LRRC8D: variants seen among roughly 807,000 people sequenced by gnomAD.
LRRC8D encodes the protein leucine rich repeat containing 8 VRAC subunit D.
Under a neutral mutation model 55.8 loss-of-function variants are expected in LRRC8D, and 20 were observed. That is an observed-to-expected ratio of 0.36 (90% CI 0.25 to 0.52). The LOEUF (loss-of-function observed/expected upper bound fraction) is 0.52. Ranked by LOEUF, LRRC8D falls within the 20% of genes least tolerant of loss-of-function variation. The pLI, the probability that LRRC8D is intolerant of heterozygous loss-of-function variation, is 0.93. For missense variants in LRRC8D, 651 were observed against 1,030.8 expected (o/e 0.63, Z 5.05); for synonymous variants, 352 against 377.0 (o/e 0.93, Z 0.77).
chr1:89,843,391 G>A (rs978471538), intron 1 of LRRC8D: 2 of 316,702 alleles, frequency 6.3e-6, no homozygotes, highest in African/African-American at 4.4e-5. Flanking sequence ...GAGCGAGCGG[G>A]CGGGCGGGTG....
intron 2 of LRRC8D, among the ~76,000 whole-genome samples, chr1:89,915,814 T>C (rs1282988667): frequency 6.6e-6 from 1 of 152,214 alleles, no homozygotes; most frequent in Non-Finnish European, 1.5e-5. Context: ...AAATGTTATC[T>C]TGGGCCATTT....
Position 89,935,121 on chromosome 1 carries a change from C to T in LRRC8D, c.2053C>T (p.Leu685=). 1 of 1,614,204 alleles carries T rather than the reference C, an allele frequency of 6.2e-7. No homozygotes were observed. Residue 685 remains leucine, a synonymous_variant, in exon 3 of 3, where the codon CTG becomes TTG. Transcript: ENST00000337338. ...EIISFQHLKR[L]TCLKLWHNKI... is the part of the protein sequence containing the mutation. The stretch of plus-strand genomic sequence containing the variant: ...CATCAGTTTCCAGCATTTAAAACGA[C>T]TGACTTGTTTAAAATTATGGCATAA...
In LRRC8D at chr1:89,862,792, T is replaced by TG. The variant is rs568513367; in HGVS notation, c.-3+19015dup. Among the ~76,000 whole-genome samples, 26 of 152,310 alleles carry TG rather than the reference T, an allele frequency of 1.7e-4. No homozygotes were observed. The South Asian group carries it at 3.1e-3, about 18-fold the overall frequency. On this transcript the variant is annotated intron_variant, in intron 2 of 2. Transcript: ENST00000337338. ...CCTGCTTCCCTTACTACCTGAGTAT[T>TG]GGGGGAACAGGCTGTGGAACTGAAG...
intron 2 of LRRC8D, among the ~76,000 whole-genome samples, chr1:89,870,520 T>C (rs1661980348): frequency 6.6e-6 from 1 of 152,052 alleles, no homozygotes; most frequent in African/African-American, 2.4e-5. Context: ...TCTCCTGGCC[T>C]CAGTTTTCTA....
intron 2 of LRRC8D, among the ~76,000 whole-genome samples, chr1:89,906,021 A>T (rs978493551): frequency 1.3e-5 from 2 of 152,150 alleles, no homozygotes; most frequent in African/African-American, 4.8e-5. Flanking sequence ...ATTGTATTTG[A>T]ACAGTTGTCC....
intron 2 of LRRC8D, among the ~76,000 whole-genome samples, chr1:89,921,527 T>C (rs950410389): frequency 6.6e-6 from 1 of 151,738 alleles, no homozygotes; most frequent in Non-Finnish European, 1.5e-5. Flanking sequence ...TTTTTTTGTT[T>C]GTTTGTTTTG....
chr1:89,839,220 G>A (rs1270516515), intron 1 of LRRC8D, among the ~76,000 whole-genome samples: 6 of 152,226 alleles, frequency 3.9e-5, no homozygotes, highest in African/African-American at 1.4e-4. Context: ...CCCTGCGAAG[G>A]TAGTTCTGAG....
At position 89,933,383 on chromosome 1, in the gene LRRC8D, G is replaced by A; in HGVS notation, c.315G>A (p.Val105=). 2.5e-6 allele frequency: 4 copies of A among 1,614,072 alleles called. No individual in the cohort carries two copies. The highest frequency in any genetic ancestry group is 2.5e-6 in the Non-Finnish European group (3 of 1,180,038). ...TNDISFGTSA[V]TPDIPLRATY... is the part of the protein sequence containing the mutation. ...ACATTTCCTTTGGGACATCTGCTGT[G>A]ACACCTGACATACCTCTCAGAGCCA... Residue 105 remains valine (V), a synonymous_variant, in exon 3 of 3, where the codon GTG becomes GTA. Coordinates refer to ENST00000337338, the MANE Select transcript of LRRC8D (RefSeq NM_001134479.2). The surrounding 1 kb of genome is among the most constrained non-coding windows in gnomAD (Gnocchi z 7.0).
intron 2 of LRRC8D, among the ~76,000 whole-genome samples, chr1:89,925,907 A>T (rs1663551676): frequency 6.6e-6 from 1 of 152,232 alleles, no homozygotes; most frequent in South Asian, 2.1e-4. Flanking sequence ...CTTAACATCC[A>T]TGCTTTGGTT....
At chr1:89,827,208 A>G (rs900535287) in intron 1 of LRRC8D, among the ~76,000 whole-genome samples, 1 of 151,950 alleles carries the variant, frequency 6.6e-6, no homozygotes, top group Admixed American at 6.6e-5. Flanking sequence ...AAAATTAGCC[A>G]GATGTGGTGG....
Position 89,934,644 on chromosome 1 carries a change from A to G in LRRC8D, c.1576A>G (p.Lys526Glu). Residue 526 changes from lysine to glutamate, a missense_variant, in exon 3 of 3, where the codon AAA becomes GAA. Physicochemically the swap from Lys to Glu is moderately conservative, Grantham distance 56. Around this residue, in one of 5 missense-constraint regions of LRRC8D, gnomAD observed 338 missense variants for 479.4 expected, o/e 0.71. Transcript: ENST00000337338. The surrounding 1 kb of genome is among the most constrained non-coding windows in gnomAD (Gnocchi z 5.9). ...QELHLCHCPA[K>E]VEQTAFSFLR... ...GCTCCACCTCTGCCACTGCCCTGCA[A>G]AAGTTGAACAGACTGCTTTTAGCTT... 6.2e-7 allele frequency: 1 copy of G among 1,614,232 alleles called. No individual in the cohort carries two copies. The highest frequency in any genetic ancestry group is 1.6e-4 in the Middle Eastern group (1 of 6,062).
In LRRC8D at chr1:89,869,454, C is replaced by G. The variant is rs182805560; in HGVS notation, c.-3+25672C>G. On this transcript the variant is annotated intron_variant, in intron 2 of 2. Coordinates refer to ENST00000337338, the MANE Select transcript of LRRC8D (RefSeq NM_001134479.2). ...AACAAAGCCTCCAAGAAATATGGGACTATGTGAAAAGACCAAATCTATGTT... is the reference window on the plus strand; with the variant it reads ...AACAAAGCCTCCAAGAAATATGGGAGTATGTGAAAAGACCAAATCTATGTT... Among the ~76,000 whole-genome samples the G allele has an allele frequency of 2.6e-3, 392 of 152,214 alleles. 1 individual carries two copies. Among genetic ancestry groups the G allele is most frequent in the African/African-American group, 9.0e-3 (374 of 41,530 alleles).
rs1197519758 is a variant in LRRC8D, at chr1:89,823,949, C to T, written c.-148+2658C>T. ...AAAGGAGGGTAGAGGGAACCTAGTTCGTGAAAAACTTAACCACAAGTCAGT... is the reference window on the plus strand; with the variant it reads ...AAAGGAGGGTAGAGGGAACCTAGTTTGTGAAAAACTTAACCACAAGTCAGT... On this transcript the variant is annotated intron_variant, in intron 1 of 2. Transcript: ENST00000337338. 2.6e-5 allele frequency among the ~76,000 whole-genome samples: 4 copies of T among 152,140 alleles called. No homozygotes were observed. In the East Asian group the frequency reaches 7.7e-4, roughly 29 times the overall value.
intron 1 of LRRC8D, among the ~76,000 whole-genome samples, chr1:89,831,387 G>A (rs1395411899): frequency 2.6e-5 from 4 of 152,066 alleles, no homozygotes; most frequent in South Asian, 4.1e-4. Flanking sequence ...ATTTGAACAG[G>A]TTGTCTGGCC....
At chr1:89,922,042 T>C (rs748637691) in intron 2 of LRRC8D, among the ~76,000 whole-genome samples, 104 of 152,234 alleles carry the variant, frequency 6.8e-4, no homozygotes, top group Non-Finnish European at 1.3e-3. Flanking sequence ...CTCTTTCTAG[T>C]ATCATTTGCC....
intron 2 of LRRC8D, among the ~76,000 whole-genome samples, chr1:89,926,925 A>G (rs980002752): frequency 4.6e-5 from 7 of 152,234 alleles, no homozygotes; most frequent in Non-Finnish European, 1.0e-4. Flanking sequence ...TTCCCCTCTC[A>G]AGGGTAAATA....
chr1:89,857,363 CAA>C (rs1661585231), intron 2 of LRRC8D, among the ~76,000 whole-genome samples: 1 of 85,290 alleles, frequency 1.2e-5, no homozygotes, highest in African/African-American at 4.8e-5. Context: ...GCCTGGGCAA[CAA>C]GAGCGAAACT....
At chr1:89,905,083 A>G (rs1167636174) in intron 2 of LRRC8D, among the ~76,000 whole-genome samples, 1 of 152,100 alleles carries the variant, frequency 6.6e-6, no homozygotes, top group Admixed American at 6.6e-5. Context: ...TTGGAAAGAA[A>G]TGTCATGCTG....
intron 1 of LRRC8D, among the ~76,000 whole-genome samples, chr1:89,829,238 G>A (rs1355074801): frequency 6.6e-6 from 1 of 152,212 alleles, no homozygotes; most frequent in Non-Finnish European, 1.5e-5. Context: ...ACAATGTATG[G>A]AACACCTAAA....
Sources: allele counts gnomAD v4.1 joint callset (sites outside exome capture counted in the v4.1 genomes callset), GRCh38; gene constraint gnomAD v4.1.1; regional missense constraint gnomAD v4.1.1; non-coding constraint Gnocchi (gnomAD v3.1); transcripts MANE v1.5; gene names NCBI Gene and HGNC (gene_info 2026-07-23, HGNC 2026-07-21).